LAMA3: variants seen among roughly 807,000 people sequenced by gnomAD.
The protein encoded by LAMA3 is laminin subunit alpha-3.
A neutral mutation model predicts 402.0 loss-of-function variants in LAMA3; 281 were observed. The observed-to-expected ratio is 0.70, with a 90% CI of 0.63 to 0.77. The LOEUF (loss-of-function observed/expected upper bound fraction) is 0.77. Among genes scored for constraint, LAMA3 ranks in the 30% least tolerant of loss-of-function variants. The probability of loss-of-function intolerance (pLI) is 0.00; values close to 1 mark genes in which losing one functional copy is unlikely to be tolerated. For synonymous variants in LAMA3, 1,431 were observed against 1,558.4 expected (o/e 0.92, Z 1.93); for missense variants, 3,840 against 4,215.5 (o/e 0.91, Z 2.47).
At chr18:23,769,722 A>G (rs1395529089) in intron 8 of LAMA3, among the ~76,000 whole-genome samples, 1 of 152,238 alleles carries the variant, frequency 6.6e-6, no homozygotes, top group Non-Finnish European at 1.5e-5. Flanking sequence ...GGAAGGGGCA[A>G]GCAGAAAATA....
intron 23 of LAMA3, among the ~76,000 whole-genome samples, chr18:23,832,387 G>GAA (rs200718424): frequency 6.6e-6 from 1 of 151,408 alleles, no homozygotes; most frequent in Non-Finnish European, 1.5e-5. Context: ...TTAAGTGACA[G>GAA]AAAAAAAAAT....
rs1200622747 is a variant in LAMA3, at chr18:23,700,383, C to T, written c.294+10406C>T. Among the ~76,000 whole-genome samples the T allele has an allele frequency of 2.6e-5, 4 of 152,084 alleles. No homozygotes were observed. In the East Asian group the frequency reaches 7.7e-4, roughly 29 times the overall value. On this transcript the variant is annotated intron_variant, in intron 1 of 74. Coordinates refer to ENST00000313654, the MANE Select transcript of LAMA3 (RefSeq NM_198129.4). Reference sequence around the variant, plus strand: ...TAGAAGGAAGAGGATTGCATGGAAACCGTTGAAAAATTGGGCTTTAAGACT... The same window carrying T: ...TAGAAGGAAGAGGATTGCATGGAAATCGTTGAAAAATTGGGCTTTAAGACT...
In LAMA3 at chr18:23,747,994, G is replaced by C. The variant is rs1213710675; in HGVS notation, c.499G>C (p.Asp167His). 4 of 1,613,726 alleles carry C rather than the reference G, an allele frequency of 2.5e-6. No individual in the cohort carries two copies. Among genetic ancestry groups the C allele is most frequent in the East Asian group, 4.5e-5 (2 of 44,882 alleles). Residue 167 changes from aspartate (D) to histidine (H), a missense_variant, in exon 3 of 75, where the codon GAT becomes CAT. By Grantham distance (81) the Asp-to-His change is moderately conservative (BLOSUM62 -1). Coordinates refer to ENST00000313654, the MANE Select transcript of LAMA3 (RefSeq NM_198129.4). ...LIKFANSPRP[D>H]LWVLERSVDF... ...CAAATTTGCAAATTCTCCTCGCCCTGATCTTTGGGTCTTGGAAAGATCTGT... is the reference window on the plus strand; with the variant it reads ...CAAATTTGCAAATTCTCCTCGCCCTCATCTTTGGGTCTTGGAAAGATCTGT...
At chr18:23,863,020 A>AG (rs1491282651) in intron 35 of LAMA3, among the ~76,000 whole-genome samples, 13 of 151,150 alleles carry the variant, frequency 8.6e-5, no homozygotes, top group African/African-American at 3.0e-4. Context: ...AGAGAGAGAG[A>AG]AAGAGAGAGA....
chr18:23,917,523 C>A (rs568575790), intron 60 of LAMA3, among the ~76,000 whole-genome samples: 1 of 152,262 alleles, frequency 6.6e-6, no homozygotes, highest in African/African-American at 2.4e-5. Flanking sequence ...TCAACCTCAC[C>A]AGCATCTATT....
chr18:23,763,585 C>G lies in LAMA3; in HGVS notation c.1182+62C>G, dbSNP rs559454413. The G allele has an allele frequency of 9.7e-5, 98 of 1,015,240 alleles. 2 individuals carry two copies. The South Asian group carries it at 1.0e-3, about 11-fold the overall frequency. 62.9% of individuals were successfully genotyped at this position (1,015,240 alleles called of 1,614,324 possible). On this transcript the variant is annotated intron_variant, in intron 8 of 74. Coordinates refer to ENST00000313654, the MANE Select transcript of LAMA3 (RefSeq NM_198129.4). ...ATGGGGAATGAGTATTCAGTAAGCT[C>G]TGCTCCTGAAGAGATGTCAAGAAAG...
intron 70 of LAMA3, among the ~76,000 whole-genome samples, chr18:23,947,707 C>A (rs2082754645): frequency 6.6e-6 from 1 of 151,940 alleles, no homozygotes. Flanking sequence ...CCATATTATC[C>A]ATTATTTATA....
chr18:23,696,026 T>C (rs1284154401), intron 1 of LAMA3, among the ~76,000 whole-genome samples: 1 of 151,894 alleles, frequency 6.6e-6, no homozygotes, highest in African/African-American at 2.4e-5. Context: ...AGGGCTGCTT[T>C]AGGGGAGGGC....
At position 23,767,518 on chromosome 18, in the gene LAMA3, C is replaced by T. The variant is rs1233986988; in HGVS notation, c.1182+3995C>T. On this transcript the variant is annotated intron_variant, in intron 8 of 74. Coordinates refer to ENST00000313654, the MANE Select transcript of LAMA3 (RefSeq NM_198129.4). The stretch of plus-strand genomic sequence containing the variant: ...CACACACCTACAGCCATCTGATCTT[C>T]AACAAAGTTAACAAAAATAAGCAAT... Among the ~76,000 whole-genome samples the T allele has an allele frequency of 2.6e-5, 4 of 151,386 alleles. No individual in the cohort carries two copies. The East Asian group carries it at 7.7e-4, about 29-fold the overall frequency.
In LAMA3 at chr18:23,758,535, G is replaced by T. The variant is rs370422020; in HGVS notation, c.1063+24G>T. On this transcript the variant is annotated intron_variant, in intron 7 of 74. Coordinates refer to ENST00000313654, the MANE Select transcript of LAMA3 (RefSeq NM_198129.4). Reference sequence around the variant, plus strand: ...AGGTGGGTGTGGGGATGGGGTGGGGGCCACACGTGGCCTTCTCCCCCCTCT... The same window carrying T: ...AGGTGGGTGTGGGGATGGGGTGGGGTCCACACGTGGCCTTCTCCCCCCTCT... 1.2e-4 allele frequency: 172 copies of T among 1,494,632 alleles called. 1 individual carries two copies. In the African/African-American group the frequency reaches 3.1e-3, roughly 27 times the overall value. The allele number at this position is 1,494,632 out of a possible 1,614,324, so 92.6% of individuals were successfully genotyped here.
intron 7 of LAMA3, among the ~76,000 whole-genome samples, chr18:23,761,465 C>G (rs2061967562): frequency 6.6e-6 from 1 of 152,212 alleles, no homozygotes; most frequent in Admixed American, 6.5e-5. Flanking sequence ...TTCGCCTCTT[C>G]TAGTTATAAG....
In LAMA3 at chr18:23,908,445, G is replaced by A. The variant is rs532597576; in HGVS notation, c.7015+510G>A. 1.2e-3 allele frequency among the ~76,000 whole-genome samples: 189 copies of A among 151,320 alleles called. 1 individual carries two copies. The highest frequency in any genetic ancestry group is 4.1e-3 in the African/African-American group (169 of 41,186). On this transcript the variant is annotated intron_variant, in intron 54 of 74. Coordinates refer to ENST00000313654, the MANE Select transcript of LAMA3 (RefSeq NM_198129.4). ...CTCGGGAGGCTGAGGCAGGAGAATGGCGTGATCCTGGGAGGTGGAGGTTGC... is the reference window on the plus strand; with the variant it reads ...CTCGGGAGGCTGAGGCAGGAGAATGACGTGATCCTGGGAGGTGGAGGTTGC...
At chr18:23,837,570 G>GATATATATAT (rs56179962) in intron 25 of LAMA3, among the ~76,000 whole-genome samples, 5,792 of 83,160 alleles carry the variant, frequency 0.07, 419 homozygotes, top group Middle Eastern at 0.14. Context: ...CAGTTAATCA[G>GATATATATAT]ATATATATAT....
intron 2 of LAMA3, among the ~76,000 whole-genome samples, chr18:23,726,117 C>T (rs1598655940): frequency 6.6e-6 from 1 of 152,328 alleles, no homozygotes; most frequent in East Asian, 1.9e-4. Flanking sequence ...ATCCTGGGAG[C>T]TCCCAAAGAG....
chr18:23,853,954 A>G (rs2064003711), intron 32 of LAMA3, among the ~76,000 whole-genome samples: 1 of 152,258 alleles, frequency 6.6e-6, no homozygotes, highest in Non-Finnish European at 1.5e-5. Flanking sequence ...GTCTTTGCAC[A>G]GGATGCATAA....
chr18:23,904,530 G>A, intron 50 of LAMA3, 23 bp from the exon 51 acceptor site: 3 of 1,575,582 alleles, frequency 1.9e-6, no homozygotes, highest in Non-Finnish European at 2.6e-6. Flanking sequence ...TGTGGGGAGT[G>A]GCTAACCTGC....
chr18:23,872,960 C>T, intron 38 of LAMA3: 3 of 1,559,860 alleles, frequency 1.9e-6, no homozygotes, highest in Non-Finnish European at 2.6e-6. Context: ...CTGAGTCAGG[C>T]AGGCCCGGGC....
At chr18:23,812,946 T>C in intron 13 of LAMA3, 111 bp from the exon 14 acceptor site, 1 of 757,892 alleles carries the variant, frequency 1.3e-6, no homozygotes, top group Non-Finnish European at 2.3e-6. Flanking sequence ...CTATCGAAAA[T>C]ATAAATGTAG....
chr18:23,737,142 G>A (rs2061490285), intron 2 of LAMA3, among the ~76,000 whole-genome samples: 1 of 151,906 alleles, frequency 6.6e-6, no homozygotes, highest in Admixed American at 6.6e-5. Context: ...CACACCTTCT[G>A]AGGCAGATCT....
Sources: gnomAD v4.1 joint callset for allele counts (sites outside exome capture counted in the v4.1 genomes callset) on GRCh38, gnomAD v4.1.1 for gene constraint, MANE v1.5 for transcripts, NCBI Gene and HGNC (gene_info 2026-07-23, HGNC 2026-07-21) for gene names.